Variants in MARCHF3 observed in about 807,000 individuals in gnomAD.
The protein encoded by MARCHF3 is membrane associated ring-CH-type finger 3.
A neutral mutation model predicts 24.2 loss-of-function variants in MARCHF3; 13 were observed. The observed-to-expected ratio is 0.54, with a 90% CI of 0.35 to 0.85. MARCHF3 has a LOEUF of 0.85. MARCHF3 is among the 40% of genes least tolerant of loss of function. The probability of loss-of-function intolerance (pLI) is 0.01; values close to 1 mark genes in which losing one functional copy is unlikely to be tolerated. For missense variants in MARCHF3, 276 were observed against 325.0 expected, an observed-to-expected ratio of 0.85 and a Z score of 1.16; for synonymous variants, 144 against 137.3, an observed-to-expected ratio of 1.05 and a Z score of -0.34.
intron 3 of MARCHF3, among the ~76,000 whole-genome samples, chr5:126,884,438 T>G (rs969195382): frequency 6.6e-6 from 1 of 152,188 alleles, no homozygotes; most frequent in South Asian, 2.1e-4. Flanking sequence ...TGCTCATGCT[T>G]TGGCCTCTCT....
intron 3 of MARCHF3, among the ~76,000 whole-genome samples, chr5:126,884,862 G>A (rs1429790137): frequency 6.6e-6 from 1 of 152,166 alleles, no homozygotes; most frequent in Non-Finnish European, 1.5e-5. Context: ...TGAGCGTCTA[G>A]AAATATAAAT....
chr5:126,950,044 C>A (rs1750170152), intron 1 of MARCHF3, among the ~76,000 whole-genome samples: 1 of 152,162 alleles, frequency 6.6e-6, no homozygotes, highest in South Asian at 2.1e-4. Context: ...TCTTTTGACT[C>A]CCCCAGGACC....
intron 1 of MARCHF3, among the ~76,000 whole-genome samples, chr5:127,025,040 T>C (rs1752949377): frequency 6.6e-6 from 1 of 152,182 alleles, no homozygotes; most frequent in Non-Finnish European, 1.5e-5. Flanking sequence ...ATTAGATCAA[T>C]GGTGGTCCAA....
rs1443042924 is a variant in MARCHF3, at chr5:126,915,050, C to T, written c.273G>A (p.Gly91=). 1.9e-6 allele frequency: 3 copies of T among 1,614,184 alleles called. No homozygotes were observed. Among genetic ancestry groups the T allele is most frequent in the Middle Eastern group, 3.3e-4 (2 of 6,060 alleles). ...EDLLSPCECT[G]TLGTIHRSCL... ...AGCTCCGATGAATTGTCCCCAAGGT[C>T]CCTGTACATTCACATGGAGAGAGCA... The change falls in exon 3 of 5, where the codon GGG becomes GGA. Residue 91 remains glycine, a synonymous_variant. Transcript: ENST00000308660.
intron 1 of MARCHF3, among the ~76,000 whole-genome samples, chr5:126,963,427 AAC>A (rs1272739418): frequency 1.3e-5 from 2 of 152,310 alleles, no homozygotes; most frequent in East Asian, 3.9e-4. Flanking sequence ...ACCAATCTTA[AAC>A]AGTCAACATT....
At chr5:126,980,482 T>A (rs1461642979) in intron 1 of MARCHF3, among the ~76,000 whole-genome samples, 1 of 151,966 alleles carries the variant, frequency 6.6e-6, no homozygotes, top group Non-Finnish European at 1.5e-5. Flanking sequence ...GTGATTCCCC[T>A]GCCTCAGCCT....
intron 3 of MARCHF3, among the ~76,000 whole-genome samples, chr5:126,914,089 T>C (rs1279227679): frequency 2.0e-5 from 3 of 150,354 alleles, no homozygotes. Context: ...GTTCTTGCCA[T>C]TCTCCTGCCT....
intron 1 of MARCHF3, among the ~76,000 whole-genome samples, chr5:126,990,916 G>A (rs1304935208): frequency 1.3e-5 from 2 of 152,208 alleles, no homozygotes; most frequent in Non-Finnish European, 2.9e-5. Flanking sequence ...TGGAGAGGAT[G>A]TGGAGAAATA....
chr5:126,994,523 A>G (rs986540801), intron 1 of MARCHF3, among the ~76,000 whole-genome samples: 4 of 152,232 alleles, frequency 2.6e-5, no homozygotes, highest in African/African-American at 7.2e-5. Context: ...TTCTACCTCA[A>G]TAAATGCAAT....
At chr5:127,028,529 G>A (rs1415370361) in intron 1 of MARCHF3, among the ~76,000 whole-genome samples, 1 of 150,400 alleles carries the variant, frequency 6.6e-6, no homozygotes, top group Non-Finnish European at 1.5e-5. Context: ...TATAGCCTCT[G>A]CAATAAAGCT....
chr5:126,947,730 A>C (rs570030719), intron 1 of MARCHF3, among the ~76,000 whole-genome samples: 2 of 152,084 alleles, frequency 1.3e-5, no homozygotes, highest in South Asian at 2.1e-4. Flanking sequence ...AATGAACTCA[A>C]ACAAATTGAA....
chr5:126,893,147 A>AT lies in MARCHF3; in HGVS notation c.394-14754dup, dbSNP rs1046558385. Among the ~76,000 whole-genome samples the AT allele has an allele frequency of 3.1e-4, 47 of 151,864 alleles. 3 individuals are homozygous for AT. Among genetic ancestry groups the AT allele is most frequent in the Admixed American group, 1.2e-3 (19 of 15,206 alleles). On this transcript the variant is annotated intron_variant, in intron 3 of 4. Coordinates refer to ENST00000308660, the MANE Select transcript of MARCHF3 (RefSeq NM_178450.5). ...GATCGGTGGTGATATCCCCTTTATC[A>AT]TTTTTTATTGCATCTATTCGATTCT... is the stretch of plus-strand genomic sequence containing the variant.
At chr5:126,959,722 A>G (rs1228870466) in intron 1 of MARCHF3, among the ~76,000 whole-genome samples, 1 of 152,180 alleles carries the variant, frequency 6.6e-6, no homozygotes, top group Non-Finnish European at 1.5e-5. Context: ...CTGTTCTAAA[A>G]AAGAGTTTAT....
intron 1 of MARCHF3, among the ~76,000 whole-genome samples, chr5:126,975,030 C>T (rs912170325): frequency 2.0e-5 from 3 of 152,206 alleles, no homozygotes; most frequent in Non-Finnish European, 4.4e-5. Context: ...AATCTCAGCT[C>T]ACTGCAACCT....
intron 1 of MARCHF3, among the ~76,000 whole-genome samples, chr5:126,938,355 A>G (rs998476690): frequency 1.3e-5 from 2 of 151,610 alleles, no homozygotes; most frequent in African/African-American, 4.8e-5. Flanking sequence ...TTCAGTAGAG[A>G]CAGAGTTTCA....
At chr5:126,899,296 G>A (rs1754026540) in intron 3 of MARCHF3, 2 of 985,204 alleles carry the variant, frequency 2.0e-6, no homozygotes, top group Non-Finnish European at 2.4e-6. Flanking sequence ...AAAGAATTGA[G>A]GGAGAGCCAC....
At chr5:126,954,925 T>C (rs1025345546) in intron 1 of MARCHF3, among the ~76,000 whole-genome samples, 1 of 152,160 alleles carries the variant, frequency 6.6e-6, no homozygotes, top group African/African-American at 2.4e-5. Flanking sequence ...ACTGGCATTA[T>C]AATTTTTGTG....
chr5:126,997,242 T>C (rs1034406544), intron 1 of MARCHF3, among the ~76,000 whole-genome samples: 10 of 152,154 alleles, frequency 6.6e-5, no homozygotes, highest in African/African-American at 2.2e-4. Flanking sequence ...CAGCTGTCAA[T>C]AGAGTACACG....
At chr5:126,959,325 A>C (rs1287737810) in intron 1 of MARCHF3, among the ~76,000 whole-genome samples, 1 of 152,130 alleles carries the variant, frequency 6.6e-6, no homozygotes, top group Non-Finnish European at 1.5e-5. Context: ...TATGTGAAAA[A>C]CAGCAAACAA....
Sources: gnomAD v4.1 joint callset for allele counts (sites outside exome capture counted in the v4.1 genomes callset) on GRCh38, gnomAD v4.1.1 for gene constraint, MANE v1.5 for transcripts, NCBI Gene and HGNC (gene_info 2026-07-23, HGNC 2026-07-21) for gene names.